ULK4: variants seen among roughly 807,000 people sequenced by gnomAD.
ULK4 encodes inactive serine/threonine-protein kinase ULK4.
Under a neutral mutation model 160.6 loss-of-function variants are expected in ULK4, and 133 were observed. The observed-to-expected ratio is 0.83, with a 90% CI of 0.72 to 0.96. ULK4 has a LOEUF of 0.96. ULK4 is among the 40% of genes least tolerant of loss of function. The probability of loss-of-function intolerance (pLI) is 0.00; values close to 1 mark genes in which losing one functional copy is unlikely to be tolerated. For synonymous variants in ULK4, 534 were observed against 539.8 expected (o/e 0.99, Z 0.15); for missense variants, 1,580 against 1,499.5 (o/e 1.05, Z -0.89).
At chr3:41,357,881 T>A (rs1157435693) in intron 35 of ULK4, among the ~76,000 whole-genome samples, 1 of 152,198 alleles carries the variant, frequency 6.6e-6, no homozygotes, top group Non-Finnish European at 1.5e-5. Flanking sequence ...TATCGTGTGC[T>A]GGGCACTGCT....
At chr3:41,545,823 T>C (rs1691956) in intron 32 of ULK4, among the ~76,000 whole-genome samples, 68,264 of 151,544 alleles carry the variant, frequency 0.45, 16,026 homozygotes, top group Middle Eastern at 0.54. Flanking sequence ...TTTCTTTCTC[T>C]GTCTCTCACA....
Position 41,802,302 on chromosome 3 carries a change from C to A in ULK4, c.1849-2009G>T, listed in dbSNP as rs545286724. On this transcript the variant is annotated intron_variant, in intron 19 of 36. Coordinates refer to ENST00000301831, the MANE Select transcript of ULK4 (RefSeq NM_017886.4). ...CTATTTTAAACATAAGCTGCAGCTG[C>A]TGTTTTTCTTTTTGAGACACAGTCT... Among the ~76,000 whole-genome samples, 11 of 152,158 alleles carry A rather than the reference C, an allele frequency of 7.2e-5. No individual in the cohort carries two copies. The East Asian group carries it at 2.1e-3, about 29-fold the overall frequency.
At chr3:41,293,248 T>A (rs1371574744) in intron 35 of ULK4, among the ~76,000 whole-genome samples, 1 of 151,936 alleles carries the variant, frequency 6.6e-6, no homozygotes, top group Non-Finnish European at 1.5e-5. Flanking sequence ...GATGGGATTA[T>A]CAGAAGAAAA....
chr3:41,663,179 C>A (rs1245666263), intron 30 of ULK4, among the ~76,000 whole-genome samples: 1 of 151,886 alleles, frequency 6.6e-6, no homozygotes, highest in African/African-American at 2.4e-5. Context: ...CAAGATCACA[C>A]CATTGCACTA....
chr3:41,639,599 A>T (rs2125713839), intron 30 of ULK4, among the ~76,000 whole-genome samples: 1 of 152,184 alleles, frequency 6.6e-6, no homozygotes, highest in Non-Finnish European at 1.5e-5. Flanking sequence ...GTGGTGGTGC[A>T]TGCCTGTAAT....
chr3:41,433,923 C>T (rs1378815816), intron 34 of ULK4, among the ~76,000 whole-genome samples: 2 of 152,116 alleles, frequency 1.3e-5, no homozygotes, highest in Non-Finnish European at 2.9e-5. Context: ...AGGGTTTCAC[C>T]ATGTTAGTCA....
At chr3:41,420,122 A>C (rs2082626970) in intron 34 of ULK4, among the ~76,000 whole-genome samples, 1 of 152,164 alleles carries the variant, frequency 6.6e-6, no homozygotes, top group Non-Finnish European at 1.5e-5. Context: ...TAAGGAAAAA[A>C]AAAGAGTAAC....
chr3:41,765,983 C>T (rs1311989163), intron 21 of ULK4, among the ~76,000 whole-genome samples: 5 of 152,110 alleles, frequency 3.3e-5, no homozygotes, highest in Non-Finnish European at 7.4e-5. Context: ...AATAAGAATC[C>T]ATTTAGGCCA....
At chr3:41,255,927 T>G (rs1364138589) in intron 35 of ULK4, among the ~76,000 whole-genome samples, 1 of 152,232 alleles carries the variant, frequency 6.6e-6, no homozygotes, top group African/African-American at 2.4e-5. Context: ...TCTTTTCAAG[T>G]GCATATGGAA....
intron 35 of ULK4, among the ~76,000 whole-genome samples, chr3:41,301,329 TA>T (rs1468145944): frequency 6.6e-6 from 1 of 152,158 alleles, no homozygotes; most frequent in Non-Finnish European, 1.5e-5. Flanking sequence ...CTTTTAAGAT[TA>T]GGGGAAATGT....
intron 18 of ULK4, among the ~76,000 whole-genome samples, chr3:41,824,649 G>A (rs1361165137): frequency 6.6e-6 from 1 of 152,170 alleles, no homozygotes; most frequent in Non-Finnish European, 1.5e-5. Context: ...GGCTTGAGTA[G>A]GTAAACAAAG....
At chr3:41,374,645 A>G (rs2081441520) in intron 35 of ULK4, among the ~76,000 whole-genome samples, 2 of 152,234 alleles carry the variant, frequency 1.3e-5, no homozygotes, top group East Asian at 1.9e-4. Context: ...TCTCAAAACA[A>G]TAAGAGCTAT....
intron 21 of ULK4, among the ~76,000 whole-genome samples, chr3:41,754,812 C>T (rs1218273339): frequency 6.6e-6 from 1 of 152,186 alleles, no homozygotes; most frequent in South Asian, 2.1e-4. Flanking sequence ...CTGTTAACTA[C>T]TCAATCACAC....
intron 34 of ULK4, among the ~76,000 whole-genome samples, chr3:41,402,950 A>T (rs2082213470): frequency 6.6e-6 from 1 of 152,158 alleles, no homozygotes; most frequent in African/African-American, 2.4e-5. Flanking sequence ...TGGGAGTTCA[A>T]GAGCAGCCTG....
intron 35 of ULK4, among the ~76,000 whole-genome samples, chr3:41,342,281 T>C (rs1575449168): frequency 1.3e-5 from 2 of 152,134 alleles, no homozygotes; most frequent in African/African-American, 4.8e-5. Flanking sequence ...GAGATCAGAA[T>C]GGAGAGGAAA....
chr3:41,947,941 T>C (rs1251437855), intron 2 of ULK4, among the ~76,000 whole-genome samples: 2 of 152,170 alleles, frequency 1.3e-5, no homozygotes, highest in Non-Finnish European at 2.9e-5. Context: ...CCAGGCTCTA[T>C]AAATCAGGAA....
intron 18 of ULK4, among the ~76,000 whole-genome samples, chr3:41,826,062 C>T (rs992715442): frequency 6.6e-6 from 1 of 152,096 alleles, no homozygotes; most frequent in Admixed American, 6.6e-5. Flanking sequence ...CCAAACTAAG[C>T]TTCGTAAGTG....
chr3:41,922,290 C>A (rs1346495386), intron 5 of ULK4, among the ~76,000 whole-genome samples: 1 of 152,170 alleles, frequency 6.6e-6, no homozygotes, highest in African/African-American at 2.4e-5. Flanking sequence ...GAGTTCGACA[C>A]CAGCCTGGAC....
At chr3:41,267,758 T>G (rs2079068682) in intron 35 of ULK4, among the ~76,000 whole-genome samples, 1 of 152,102 alleles carries the variant, frequency 6.6e-6, no homozygotes, top group Non-Finnish European at 1.5e-5. Context: ...GATCAATGAG[T>G]CCTGCTGCTA....
Sources: gnomAD v4.1 joint callset for allele counts (sites outside exome capture counted in the v4.1 genomes callset) on GRCh38, gnomAD v4.1.1 for gene constraint, MANE v1.5 for transcripts, NCBI Gene and HGNC (gene_info 2026-07-23, HGNC 2026-07-21) for gene names.